CTNNA2: variants seen among roughly 807,000 people sequenced by gnomAD.
The protein encoded by CTNNA2 is catenin alpha-2.
A neutral mutation model predicts 101.0 loss-of-function variants in CTNNA2; 42 were observed. That is an observed-to-expected ratio of 0.42 (90% confidence interval 0.32 to 0.54). The LOEUF (loss-of-function observed/expected upper bound fraction) is 0.54. Ranked by LOEUF, CTNNA2 falls within the 20% of genes least tolerant of loss-of-function variation. The pLI is 0.14. For missense variants in CTNNA2, 871 were observed against 1,223.1 expected (o/e 0.71, Z 4.29); for synonymous variants, 450 against 456.4 (o/e 0.99, Z 0.18).
At chr2:80,086,793 A>G (rs113690324) in intron 7 of CTNNA2, among the ~76,000 whole-genome samples, 37 of 152,176 alleles carry the variant, frequency 2.4e-4, no homozygotes, top group African/African-American at 8.7e-4. Flanking sequence ...AGCACTGGGT[A>G]AATTGCAAAG....
chr2:80,576,704 T>C (rs926660307), intron 13 of CTNNA2, among the ~76,000 whole-genome samples: 2 of 145,974 alleles, frequency 1.4e-5, no homozygotes, highest in Non-Finnish European at 1.5e-5. Flanking sequence ...GTATTGTTTT[T>C]TGGGGGAGCC....
chr2:79,272,592 C>A (rs988149374), intron 2 of CTNNA2, among the ~76,000 whole-genome samples: 1 of 151,970 alleles, frequency 6.6e-6, no homozygotes, highest in African/African-American at 2.4e-5. Context: ...AGCCTTTACA[C>A]TTAAGGAAAT....
chr2:80,582,467 G>T (rs145832408), intron 14 of CTNNA2, among the ~76,000 whole-genome samples: 21 of 152,266 alleles, frequency 1.4e-4, no homozygotes, highest in African/African-American at 4.6e-4. Flanking sequence ...GCAACAGAGA[G>T]AGTACCAGCT....
chr2:79,776,349 AC>A, intron 3 of CTNNA2, among the ~76,000 whole-genome samples: 1 of 152,320 alleles, frequency 6.6e-6, no homozygotes, highest in African/African-American at 2.4e-5. Context: ...GTGTCTGGGT[AC>A]CACCAAAGCA....
At chr2:80,244,773 G>A (rs1307601204) in intron 7 of CTNNA2, among the ~76,000 whole-genome samples, 3 of 152,044 alleles carry the variant, frequency 2.0e-5, no homozygotes, top group African/African-American at 2.4e-5. Context: ...TTGGGATCTC[G>A]GCTCTGGGGC....
intron 7 of CTNNA2, among the ~76,000 whole-genome samples, chr2:80,315,357 C>T (rs573117820): frequency 6.6e-6 from 1 of 152,310 alleles, no homozygotes; most frequent in South Asian, 2.1e-4. Context: ...AGTATAACTT[C>T]TGTGGGGACC....
At chr2:80,402,981 G>C (rs1678703514) in intron 8 of CTNNA2, among the ~76,000 whole-genome samples, 2 of 151,776 alleles carry the variant, frequency 1.3e-5, no homozygotes, top group Non-Finnish European at 2.9e-5. Context: ...CGTAGCCTCA[G>C]GTGCAAGATT....
At chr2:80,304,038 C>A in intron 7 of CTNNA2, 1 of 462,782 alleles carries the variant, frequency 2.2e-6, no homozygotes, top group Non-Finnish European at 3.7e-6. Flanking sequence ...AAGTTCACAG[C>A]CACGGAAAGA....
intron 7 of CTNNA2, among the ~76,000 whole-genome samples, chr2:80,025,804 C>A (rs1558739474): frequency 6.6e-6 from 1 of 152,202 alleles, no homozygotes; most frequent in Non-Finnish European, 1.5e-5. Flanking sequence ...GCAGCACGTA[C>A]TTGTCCTCCA....
intron 7 of CTNNA2, chr2:80,298,485 G>T (rs144049226): frequency 6.6e-6 from 1 of 152,296 alleles, no homozygotes; most frequent in African/African-American, 2.4e-5. Flanking sequence ...ATGTCAGATA[G>T]ACTAGGCATC....
intron 8 of CTNNA2, among the ~76,000 whole-genome samples, chr2:80,396,848 C>T (rs1189618759): frequency 1.3e-5 from 2 of 152,132 alleles, no homozygotes; most frequent in Non-Finnish European, 2.9e-5. Flanking sequence ...CCTTACTAGC[C>T]ACCACAATGA....
At chr2:79,962,769 G>T (rs1293916069) in intron 7 of CTNNA2, among the ~76,000 whole-genome samples, 1 of 152,102 alleles carries the variant, frequency 6.6e-6, no homozygotes, top group African/African-American at 2.4e-5. Flanking sequence ...TTCTTGCAAT[G>T]AATTAATGTT....
At chr2:80,013,523 G>A (rs1693929722) in intron 7 of CTNNA2, among the ~76,000 whole-genome samples, 1 of 152,108 alleles carries the variant, frequency 6.6e-6, no homozygotes, top group African/African-American at 2.4e-5. Context: ...ACACTAACCT[G>A]CTTTATCCAT....
chr2:80,214,343 G>A (rs894647833), intron 7 of CTNNA2, among the ~76,000 whole-genome samples: 2 of 152,134 alleles, frequency 1.3e-5, no homozygotes, highest in African/African-American at 4.8e-5. Context: ...TTTTGCAGTG[G>A]CTGGTACCAG....
chr2:79,310,309 T>G (rs1375077781), intron 2 of CTNNA2, among the ~76,000 whole-genome samples: 1 of 152,220 alleles, frequency 6.6e-6, no homozygotes, highest in Non-Finnish European at 1.5e-5. Flanking sequence ...TAAGATTTCT[T>G]CATTATGGAG....
intron 9 of CTNNA2, among the ~76,000 whole-genome samples, chr2:80,486,092 T>C (rs1483662597): frequency 2.0e-5 from 3 of 152,240 alleles, no homozygotes; most frequent in Non-Finnish European, 2.9e-5. Context: ...AGAAATCAGC[T>C]GTACATAGTT....
At chr2:80,565,468 C>A (rs774415454) in intron 12 of CTNNA2, among the ~76,000 whole-genome samples, 2 of 151,806 alleles carry the variant, frequency 1.3e-5, no homozygotes, top group Admixed American at 6.6e-5. Flanking sequence ...GTACCAACTT[C>A]CCGGTTTTCA....
chr2:79,484,495 A>AAATTT (rs763302972), intron 4 of CTNNA2, among the ~76,000 whole-genome samples: 3 of 151,986 alleles, frequency 2.0e-5, no homozygotes, highest in East Asian at 1.9e-4. Flanking sequence ...AATTAGGTAA[A>AAATTT]AATTTAATTT....
chr2:79,883,766 T>C (rs1489559935), intron 6 of CTNNA2, among the ~76,000 whole-genome samples: 1 of 152,180 alleles, frequency 6.6e-6, no homozygotes, highest in South Asian at 2.1e-4. Context: ...TAGATGAAGA[T>C]ACTTTCAAAA....
Sources: gnomAD v4.1 joint callset for allele counts (sites outside exome capture counted in the v4.1 genomes callset) on GRCh38, gnomAD v4.1.1 for gene constraint, MANE v1.5 for transcripts, NCBI Gene and HGNC (gene_info 2026-07-23, HGNC 2026-07-21) for gene names.